BNC2: variants seen among roughly 807,000 people sequenced by gnomAD.
The protein encoded by BNC2 is zinc finger protein basonuclin-2.
In BNC2, 20 loss-of-function variants were observed where a neutral mutation model predicts 76.3. The ratio of observed to expected loss-of-function variants is 0.26; its 90% CI spans 0.18 to 0.38. BNC2 has a LOEUF of 0.38. BNC2 is among the 10% of genes least tolerant of loss of function. BNC2 has a pLI of 1.00. For missense variants in BNC2, 1,382 were observed against 1,399.8 expected (o/e 0.99, Z 0.20); for synonymous variants, 582 against 514.8 (o/e 1.13, Z -1.77).
At chr9:16,439,782 AC>A (rs146944446) in intron 5 of BNC2, among the ~76,000 whole-genome samples, 1 of 152,192 alleles carries the variant, frequency 6.6e-6, no homozygotes, top group Non-Finnish European at 1.5e-5. Flanking sequence ...CTAGCATCCT[AC>A]CATTTTACAT....
At chr9:16,589,148 T>C (rs534300437) in intron 3 of BNC2, among the ~76,000 whole-genome samples, 2 of 152,246 alleles carry the variant, frequency 1.3e-5, no homozygotes, top group East Asian at 3.9e-4. Context: ...ATGGGTTCAT[T>C]AACCTTCACC....
intron 1 of BNC2, among the ~76,000 whole-genome samples, chr9:16,758,712 G>A (rs944207): frequency 0.45 from 69,135 of 151,980 alleles, 21,104 homozygotes; most frequent in Non-Finnish European, 0.68. Flanking sequence ...TCTATTGACC[G>A]CACAAGACAT....
chr9:16,849,574 G>C (rs1165658624), intron 1 of BNC2, among the ~76,000 whole-genome samples: 1 of 151,884 alleles, frequency 6.6e-6, no homozygotes, highest in Admixed American at 6.6e-5. Context: ...GGCCAGGCTG[G>C]TCCCGAACTC....
intron 3 of BNC2, among the ~76,000 whole-genome samples, chr9:16,624,355 T>C (rs966679928): frequency 3.3e-5 from 5 of 152,192 alleles, no homozygotes; most frequent in Admixed American, 3.3e-4. Context: ...ATGTTCACTA[T>C]GGCAACAACA....
intron 4 of BNC2, among the ~76,000 whole-genome samples, chr9:16,562,579 G>A (rs953444954): frequency 2.0e-5 from 3 of 152,100 alleles, no homozygotes; most frequent in Admixed American, 1.3e-4. Context: ...AAAAGATTTT[G>A]AATACCTTCT....
intron 5 of BNC2, among the ~76,000 whole-genome samples, chr9:16,513,721 A>G (rs116409396): frequency 0.02 from 3,121 of 152,314 alleles, 135 homozygotes; most frequent in African/African-American, 0.07. Flanking sequence ...AGAGTTGTAC[A>G]TGAGTCCATA....
chr9:16,749,178 T>C (rs1322983796), intron 1 of BNC2, among the ~76,000 whole-genome samples: 1 of 152,082 alleles, frequency 6.6e-6, no homozygotes, highest in African/African-American at 2.4e-5. Context: ...CAAAGTCCTC[T>C]GATTTCACAT....
At chr9:16,525,471 C>T (rs1038257513) in intron 5 of BNC2, among the ~76,000 whole-genome samples, 6 of 151,912 alleles carry the variant, frequency 3.9e-5, no homozygotes. Flanking sequence ...AAAATGGAAA[C>T]AGAAATGACT....
chr9:16,796,827 G>A (rs1219590941), intron 1 of BNC2, among the ~76,000 whole-genome samples: 1 of 152,130 alleles, frequency 6.6e-6, no homozygotes, highest in Non-Finnish European at 1.5e-5. Flanking sequence ...AATTAGGATT[G>A]CTAACTACCA....
chr9:16,689,788 T>C (rs1175692781), intron 3 of BNC2, among the ~76,000 whole-genome samples: 2 of 152,110 alleles, frequency 1.3e-5, no homozygotes, highest in African/African-American at 2.4e-5. Context: ...TCAGTGGTTA[T>C]ACAATGCCAA....
intron 5 of BNC2, among the ~76,000 whole-genome samples, chr9:16,549,978 C>T (rs2132501876): frequency 1.3e-5 from 2 of 151,926 alleles, no homozygotes; most frequent in Middle Eastern, 3.4e-3. Context: ...AAATTTGAGA[C>T]TGTCAAAATC....
intron 3 of BNC2, among the ~76,000 whole-genome samples, chr9:16,664,873 T>TG (rs35822374): frequency 0.96 from 140,164 of 146,320 alleles, 67,048 homozygotes; most frequent in South Asian, 0.98. Flanking sequence ...ACCTATACCA[T>TG]AAGCATTGTG....
At chr9:16,589,669 G>A (rs538055485) in intron 3 of BNC2, among the ~76,000 whole-genome samples, 42 of 151,674 alleles carry the variant, frequency 2.8e-4, no homozygotes, top group South Asian at 2.1e-4. Flanking sequence ...CCACCACACC[G>A]GGCTAATTTT....
intron 5 of BNC2, among the ~76,000 whole-genome samples, chr9:16,503,713 C>T (rs1378795910): frequency 2.0e-5 from 3 of 152,150 alleles, no homozygotes; most frequent in Non-Finnish European, 2.9e-5. Flanking sequence ...ACAGACATGA[C>T]AATGTTTACT....
chr9:16,436,838 G>A lies in BNC2; in HGVS notation c.1356C>T (p.Asp452=), dbSNP rs772957559. The change falls in exon 6 of 7, where the codon GAC becomes GAT. Residue 452 remains aspartate, a synonymous_variant. Coordinates refer to ENST00000380672, the MANE Select transcript of BNC2 (RefSeq NM_017637.6). The part of the protein sequence containing the change: ...FCNACGKTFY[D]KGTLKIHYNA... ...TGTAATGAATTTTGAGAGTACCTTT[G>A]TCATAGAATGTCTTCCCACATGCAT... 1.9e-5 allele frequency: 31 copies of A among 1,614,002 alleles called. No homozygotes were observed. The highest frequency in any genetic ancestry group is 2.6e-5 in the Non-Finnish European group (31 of 1,180,022).
At chr9:16,695,160 C>T (rs1335007563) in intron 3 of BNC2, among the ~76,000 whole-genome samples, 3 of 152,128 alleles carry the variant, frequency 2.0e-5, no homozygotes, top group Non-Finnish European at 2.9e-5. Context: ...CAACAGAATG[C>T]TTTATAAATG....
chr9:16,817,606 T>G (rs1395202758), intron 1 of BNC2, among the ~76,000 whole-genome samples: 1 of 152,212 alleles, frequency 6.6e-6, no homozygotes, highest in Non-Finnish European at 1.5e-5. Context: ...TGAAAGCATC[T>G]GGCACACTGA....
intron 3 of BNC2, among the ~76,000 whole-genome samples, chr9:16,669,907 G>A (rs1822424224): frequency 6.6e-6 from 1 of 152,162 alleles, no homozygotes; most frequent in South Asian, 2.1e-4. Flanking sequence ...CATCTCCTCT[G>A]CATGATACAT....
intron 1 of BNC2, among the ~76,000 whole-genome samples, chr9:16,820,177 G>C (rs1220208418): frequency 2.7e-5 from 4 of 145,642 alleles, no homozygotes; most frequent in African/African-American, 1.0e-4. Context: ...TGTAATCTCA[G>C]CACTTTGGGA....
Sources: gnomAD v4.1 joint callset for allele counts (sites outside exome capture counted in the v4.1 genomes callset) on GRCh38, gnomAD v4.1.1 for gene constraint, MANE v1.5 for transcripts, NCBI Gene and HGNC (gene_info 2026-07-23, HGNC 2026-07-21) for gene names.